The following HEATR4 variants were observed in gnomAD, a reference collection of about 807,000 sequenced individuals.
HEATR4 encodes HEAT repeat-containing protein 4.
In HEATR4, 95 loss-of-function variants were observed where a neutral mutation model predicts 108.8. The ratio of observed to expected loss-of-function variants is 0.87; its 90% CI spans 0.74 to 1.04. The LOEUF is 1.04. Ranked by LOEUF, HEATR4 falls within the 50% of genes least tolerant of loss-of-function variation. The probability of loss-of-function intolerance (pLI) is 0.00; values close to 1 mark genes in which losing one functional copy is unlikely to be tolerated. For missense variants in HEATR4, 1,152 were observed against 1,253.8 expected (o/e 0.92, Z 1.23); for synonymous variants, 443 against 459.4 (o/e 0.96, Z 0.46).
the HEATR4 span, among the ~76,000 whole-genome samples, chr14:73,620,047 G>C: frequency 4.1e-4 from 63 of 151,984 alleles, no homozygotes; most frequent in Non-Finnish European, 8.2e-4. Context: ...GAGTATCTGG[G>C]ATTACAGGTG....
At chr14:73,548,950 C>CTT (rs529991322) in intron 1 of HEATR4, among the ~76,000 whole-genome samples, 1 of 104,850 alleles carries the variant, frequency 9.5e-6, no homozygotes, top group Non-Finnish European at 2.1e-5. Context: ...CTCTCTCTCT[C>CTT]TTTTTTTTTT....
At chr14:73,563,783 A>G (rs577940445), upstream of HEATR4, among the ~76,000 whole-genome samples, 3 of 151,978 alleles carry the variant, frequency 2.0e-5, no homozygotes, top group South Asian at 4.2e-4. Context: ...GCAACATAGC[A>G]AGACCCTGTC....
chr14:73,506,661 T>C, intron 9 of HEATR4, 90 bp from the exon 10 acceptor site: 1 of 936,686 alleles, frequency 1.1e-6, no homozygotes, highest in South Asian at 1.4e-5. Context: ...GCATCCTGCA[T>C]AATTAATGTC....
At chr14:73,565,651 C>T in the HEATR4 span, among the ~76,000 whole-genome samples, 1,813 of 151,952 alleles carry the variant, frequency 0.012, 36 homozygotes, top group African/African-American at 0.042. Flanking sequence ...ACTGAAGCTG[C>T]GGACCTTCGT....
rs192201542 is a variant in HEATR4 at position 73,547,226 on chromosome 14, C to G, written c.-152+11525G>C. 1.8e-5 allele frequency among the ~76,000 whole-genome samples: 2 copies of G among 113,546 alleles called. 1 individual carries two copies. Among genetic ancestry groups the G allele is most frequent in the East Asian group, 1.5e-3 (2 of 1,372 alleles). The allele number at this position is 113,546 out of a possible 152,430, so 74.5% of individuals were successfully genotyped here. ...TAAAACGCCATCTCTACTGAAAATACAAGTATTAGCCGGGCGTGGTGCTGG... is the reference window on the plus strand; with the variant it reads ...TAAAACGCCATCTCTACTGAAAATAGAAGTATTAGCCGGGCGTGGTGCTGG... On this transcript the variant is annotated intron_variant, in intron 1 of 17. Transcript: ENST00000553558.
rs771207767 is a variant in HEATR4, at chr14:73,545,802, C to G, written c.-152+12949G>C. 1.4e-4 allele frequency among the ~76,000 whole-genome samples: 15 copies of G among 109,646 alleles called. 5 individuals carry two copies. Among genetic ancestry groups the G allele is most frequent in the Non-Finnish European group, 2.7e-4 (14 of 51,242 alleles). 71.9% of individuals were successfully genotyped at this position (109,646 alleles called of 152,430 possible). A position where few individuals can be genotyped will look rare whatever the true frequency, so the allele number is the denominator to read the frequency against. On this transcript the variant is annotated intron_variant, in intron 1 of 17. Transcript: ENST00000553558. ...GAAGCCCTTTTGAGACCTTAGGGAC[C>G]CTATTCTCCATTCTTAGAAATTCAG...
At chr14:73,615,538 C>G in the HEATR4 span, among the ~76,000 whole-genome samples, 1 of 151,904 alleles carries the variant, frequency 6.6e-6, no homozygotes, top group East Asian at 1.9e-4. Context: ...TGAGACCAGC[C>G]TCACCAACAT....
Position 73,522,579 on chromosome 14 carries a change from G to A in HEATR4, c.574C>T (p.Leu192Phe). ...CTGGCCTCCTTCTCAGGAGGCAGAA[G>A]CCAGGCTTCTCTTTCCTCCAGGTTC... ...DVNLEEREAW[L>F]LPPEKEARAW... Residue 192 changes from leucine to phenylalanine, a missense_variant, in exon 3 of 18, where the codon CTT (leucine) becomes TTT (phenylalanine). Leu to Phe is a conservative substitution (Grantham distance 22). Transcript: ENST00000553558. The A allele has an allele frequency of 3.7e-6, 6 of 1,614,194 alleles. No homozygotes were observed. Among genetic ancestry groups the A allele is most frequent in the Non-Finnish European group, 5.1e-6 (6 of 1,180,018 alleles).
the HEATR4 span, chr14:73,575,248 A>G: frequency 1.1e-6 from 1 of 884,510 alleles, no homozygotes; most frequent in East Asian, 2.8e-5. Flanking sequence ...AGTGAGTTCT[A>G]TGCTAATGAG....
chr14:73,595,500 C>A, the HEATR4 span: 1 of 1,613,872 alleles, frequency 6.2e-7, no homozygotes, highest in Non-Finnish European at 8.5e-7. Flanking sequence ...CCCCTGTGCC[C>A]AGCTTCCCTT....
the HEATR4 span, among the ~76,000 whole-genome samples, chr14:73,576,816 A>AAAAAAAAAG: frequency 1.1e-3 from 64 of 58,156 alleles, 14 homozygotes; most frequent in African/African-American, 3.1e-3. Flanking sequence ...AAAAAAAAAA[A>AAAAAAAAAG]AAAAGACAAT....
chr14:73,523,033 A>G lies in HEATR4; in HGVS notation c.120T>C (p.Cys40=), dbSNP rs1888073087. 1 of 1,614,112 alleles carries G rather than the reference A, an allele frequency of 6.2e-7. No homozygotes were observed. Among genetic ancestry groups the G allele is most frequent in the Non-Finnish European group, 8.5e-7 (1 of 1,180,056 alleles). Residue 40 remains cysteine, a synonymous_variant, in exon 3 of 18, where the codon TGT becomes TGC. Transcript: ENST00000553558. Reference sequence around the variant, plus strand: ...CCATAGGCACACTGGAGACAGAGGCACACTCCTCCTTGCCTTTCAATTTTG... The same window carrying G: ...CCATAGGCACACTGGAGACAGAGGCGCACTCCTCCTTGCCTTTCAATTTTG... ...NYSKLKGKEE[C]ASVSSVPMVF...
chr14:73,603,243 G>C, the HEATR4 span, among the ~76,000 whole-genome samples: 2 of 152,218 alleles, frequency 1.3e-5, no homozygotes, highest in Admixed American at 6.5e-5. Flanking sequence ...AAAAGCCAAA[G>C]AAGCAGTTTA....
In HEATR4 at chr14:73,498,269, G is replaced by A. The variant is rs374099726; in HGVS notation, c.2432C>T (p.Pro811Leu). 14 of 1,613,956 alleles carry A rather than the reference G, an allele frequency of 8.7e-6. 1 individual carries two copies. In the Middle Eastern group the frequency reaches 6.6e-4, roughly 76 times the overall value. The change falls in exon 14 of 18, where the codon CCA becomes CTA. Residue 811 changes from proline (P) to leucine (L), a missense_variant. Transcript: ENST00000553558. ...LLWAIHYEESPGVRLEACRSI... is the reference protein window; with the variant it reads ...LLWAIHYEESLGVRLEACRSI... ...ACGGCAAGCTTCCAGCCGTACACCT[G>A]GTGACTCTTCATAGTGGATAGCCCA...
intron 17 of HEATR4, chr14:73,491,382 T>A: frequency 7.4e-7 from 1 of 1,354,096 alleles, no homozygotes; most frequent in Non-Finnish European, 9.4e-7. Flanking sequence ...TCGGCGCGCC[T>A]GGTGCCCGCT....
At chr14:73,578,756 C>G in the HEATR4 span, among the ~76,000 whole-genome samples, 1 of 150,680 alleles carries the variant, frequency 6.6e-6, no homozygotes, top group South Asian at 2.1e-4. Flanking sequence ...GAGTTCGAGA[C>G]CAGCCTGACC....
chr14:73,588,525 T>C, the HEATR4 span, among the ~76,000 whole-genome samples: 1 of 152,226 alleles, frequency 6.6e-6, no homozygotes, highest in Admixed American at 6.5e-5. Flanking sequence ...GCAATCTCCA[T>C]TTGGTTTAAG....
chr14:73,590,611 C>A, the HEATR4 span, among the ~76,000 whole-genome samples: 3 of 152,194 alleles, frequency 2.0e-5, no homozygotes, highest in African/African-American at 7.2e-5. Context: ...CTGCAGGTCC[C>A]GAGCCCTGCG....
At chr14:73,559,278 T>C (rs184941687), upstream of HEATR4, among the ~76,000 whole-genome samples, 242 of 151,656 alleles carry the variant, frequency 1.6e-3, no homozygotes, top group Middle Eastern at 3.4e-3. Flanking sequence ...CACACCACCA[T>C]GCCCCACTAA....
Sources: allele counts gnomAD v4.1 joint callset (sites outside exome capture counted in the v4.1 genomes callset), GRCh38; gene constraint gnomAD v4.1.1; transcripts MANE v1.5; gene names NCBI Gene and HGNC (gene_info 2026-07-23, HGNC 2026-07-21).